RNF216: variants seen among roughly 807,000 people sequenced by gnomAD.
RNF216 encodes E3 ubiquitin-protein ligase RNF216.
RNF216 carries 72 observed loss-of-function variants against 110.8 expected under a neutral mutation model. The ratio of observed to expected loss-of-function variants is 0.65; its 90% CI spans 0.54 to 0.79. The LOEUF (loss-of-function observed/expected upper bound fraction) is 0.79. RNF216 is among the 30% of genes least tolerant of loss of function. The pLI, the probability that RNF216 is intolerant of heterozygous loss-of-function variation, is 0.00. For synonymous variants in RNF216, 495 were observed against 407.5 expected, an observed-to-expected ratio of 1.21 and a Z score of -2.59; for missense variants, 1,342 against 1,141.2, an observed-to-expected ratio of 1.18 and a Z score of -2.54.
intron 1 of RNF216, 99 bp downstream of exon 1, chr7:5,781,435 GCCCCCGC>G (rs1797086374): frequency 7.9e-6 from 1 of 126,762 alleles, no homozygotes; most frequent in African/African-American, 3.0e-5. Context: ...CACGGCCCGC[GCCCCCGC>G]CCCCACCCCC....
intron 13 of RNF216, among the ~76,000 whole-genome samples, chr7:5,684,017 C>T (rs1269077572): frequency 6.6e-6 from 1 of 150,552 alleles, no homozygotes; most frequent in African/African-American, 2.4e-5. Context: ...ACCAAGGCAG[C>T]AGCAAGTTGA....
chr7:5,725,433 C>G lies in RNF216; in HGVS notation c.1395G>C (p.Leu465Phe), dbSNP rs752269827. ...CCTGCCATTTTTTAATGGCATCAGA[C>G]AAGGCCTAAAAATTGAGAAAAGGAA... The part of the protein sequence containing the change: ...KGHYAITRKA[L>F]SDAIKKWQEL... Residue 465 changes from leucine to phenylalanine, a missense_variant, in exon 8 of 17, where the codon TTG (leucine) becomes TTC (phenylalanine). By Grantham distance (22) the Leu-to-Phe change is conservative. Coordinates refer to ENST00000389902, the MANE Select transcript of RNF216 (RefSeq NM_207111.4). 9 of 1,590,302 alleles carry G rather than the reference C, an allele frequency of 5.7e-6. No individual in the cohort carries two copies. Among genetic ancestry groups the G allele is most frequent in the Non-Finnish European group, 7.8e-6 (9 of 1,159,774 alleles).
intron 4 of RNF216, among the ~76,000 whole-genome samples, chr7:5,740,022 A>G (rs547277242): frequency 3.9e-4 from 59 of 150,994 alleles, no homozygotes; most frequent in Non-Finnish European, 6.8e-4. Flanking sequence ...ACAAACCAAA[A>G]ACAAAACAAA....
At position 5,763,583 on chromosome 7, in the gene RNF216, T is replaced by C. The variant is rs368237448; in HGVS notation, c.-69-2445A>G. On this transcript the variant is annotated intron_variant, in intron 1 of 16. Transcript: ENST00000389902. ...AGGAGGAGGTTGTAGTCTTTTTTAT[T>C]TCTTTTTGAGCCAGTCTCTCTCTGT... 3.3e-5 allele frequency among the ~76,000 whole-genome samples: 5 copies of C among 152,032 alleles called. No homozygotes were observed. The East Asian group carries it at 7.8e-4, about 24-fold the overall frequency.
At chr7:5,774,339 G>A (rs1796659813) in intron 1 of RNF216, among the ~76,000 whole-genome samples, 1 of 152,190 alleles carries the variant, frequency 6.6e-6, no homozygotes, top group South Asian at 2.1e-4. Flanking sequence ...TGTGGTTGCT[G>A]AAGCAAGAGA....
chr7:5,774,352 C>A (rs999893045), intron 1 of RNF216, among the ~76,000 whole-genome samples: 1 of 152,174 alleles, frequency 6.6e-6, no homozygotes, highest in Non-Finnish European at 1.5e-5. Flanking sequence ...GCAAGAGAAT[C>A]CTTTGAGCCC....
At chr7:5,760,883 C>G (rs1795896106) in intron 2 of RNF216, 120 bp downstream of exon 2, 1 of 798,722 alleles carries the variant, frequency 1.3e-6, no homozygotes, top group East Asian at 2.7e-5. Context: ...GTCTTTTTGT[C>G]AAAAACGAAA....
At chr7:5,714,034 G>A (rs990449956) in intron 11 of RNF216, among the ~76,000 whole-genome samples, 6 of 152,064 alleles carry the variant, frequency 3.9e-5, no homozygotes, top group African/African-American at 1.2e-4. Context: ...ACAGAGTCTC[G>A]CCCTGTCACC....
rs1176001222 is a variant in RNF216, at chr7:5,624,480, C to T, written c.2383-355G>A. Among the ~76,000 whole-genome samples, 5 of 152,220 alleles carry T rather than the reference C, an allele frequency of 3.3e-5. No individual in the cohort carries two copies. Among genetic ancestry groups the T allele is most frequent in the Admixed American group, 1.3e-4 (2 of 15,286 alleles). On this transcript the variant is annotated intron_variant, in intron 15 of 16. Coordinates refer to ENST00000389902, the MANE Select transcript of RNF216 (RefSeq NM_207111.4). This position sits in a 1 kb window ranked among gnomAD's most constrained non-coding sequence, Gnocchi z 4.4. The stretch of plus-strand genomic sequence containing the variant: ...GAGGGCTGGGTCTGAGTGGGCACAG[C>T]CTGAAAAGTTTCAGATCCCAAGTCC...
At chr7:5,661,295 G>T (rs189224499) in intron 13 of RNF216, among the ~76,000 whole-genome samples, 5 of 151,804 alleles carry the variant, frequency 3.3e-5, no homozygotes, top group African/African-American at 1.2e-4. Context: ...AGTCAGTGGC[G>T]CCAGCATAGC....
At chr7:5,747,745 T>TAAAAAAAAAAAAAAAAAAAAA (rs1562457376) in intron 3 of RNF216, among the ~76,000 whole-genome samples, 1 of 11,018 alleles carries the variant, frequency 9.1e-5, no homozygotes, top group African/African-American at 3.7e-4. Flanking sequence ...AGACTCCATC[T>TAAAAAAAAAAAAAAAAAAAAA]CAAAAAAAAA....
At chr7:5,719,152 G>C (rs1291439001) in intron 9 of RNF216, among the ~76,000 whole-genome samples, 1 of 152,218 alleles carries the variant, frequency 6.6e-6, no homozygotes, top group Non-Finnish European at 1.5e-5. Context: ...CGGCTGAGTT[G>C]GGAGGACGGC....
chr7:5,757,400 T>C (rs1465885801), intron 2 of RNF216, among the ~76,000 whole-genome samples: 7 of 93,146 alleles, frequency 7.5e-5, no homozygotes, highest in African/African-American at 2.1e-4. Flanking sequence ...TACACAGATA[T>C]ATCAGCTCTT....
intron 15 of RNF216, among the ~76,000 whole-genome samples, chr7:5,635,290 CTTTTTT>C (rs755049416): frequency 2.2e-5 from 3 of 135,860 alleles, no homozygotes; most frequent in South Asian, 4.8e-4. Context: ...ACTAACTTCA[CTTTTTT>C]TTTTTTTTTT....
chr7:5,651,645 A>G (rs905557163), intron 14 of RNF216, among the ~76,000 whole-genome samples: 11 of 146,504 alleles, frequency 7.5e-5, no homozygotes, highest in Non-Finnish European at 1.3e-4. Flanking sequence ...CGGTCATTGC[A>G]TTCTTTTTTT....
intron 13 of RNF216, among the ~76,000 whole-genome samples, chr7:5,658,736 C>T (rs975983247): frequency 1.3e-5 from 2 of 151,790 alleles, no homozygotes; most frequent in Non-Finnish European, 2.9e-5. Context: ...TCATTACACC[C>T]TTTTAAATTT....
intron 2 of RNF216, among the ~76,000 whole-genome samples, chr7:5,759,493 CTG>C (rs1325099546): frequency 1.3e-5 from 2 of 152,128 alleles, no homozygotes; most frequent in African/African-American, 4.8e-5. Context: ...CACTTCTTTT[CTG>C]TAGCTCACTT....
intron 13 of RNF216, chr7:5,666,814 C>CT (rs762672429): frequency 0.32 from 43,053 of 135,568 alleles, 8,176 homozygotes; most frequent in East Asian, 0.7. Context: ...ACAGCAATGA[C>CT]TTTTTTTTTT....
chr7:5,711,362 G>C (rs538225306), intron 13 of RNF216, among the ~76,000 whole-genome samples: 2 of 152,192 alleles, frequency 1.3e-5, no homozygotes, highest in Non-Finnish European at 2.9e-5. Flanking sequence ...AAGAAGCGTC[G>C]TTTGGACTTT....
Sources: allele counts gnomAD v4.1 joint callset (sites outside exome capture counted in the v4.1 genomes callset), GRCh38; gene constraint gnomAD v4.1.1; non-coding constraint Gnocchi (gnomAD v3.1); transcripts MANE v1.5; gene names NCBI Gene and HGNC (gene_info 2026-07-23, HGNC 2026-07-21).